Variants in CNTN5 observed in about 807,000 individuals in gnomAD.
CNTN5 encodes the protein contactin-5.
CNTN5 carries 77 observed loss-of-function variants against 129.1 expected under a neutral mutation model. That is an observed-to-expected ratio of 0.60 (90% CI 0.50 to 0.72). CNTN5 has a LOEUF of 0.72. Ranked by LOEUF, CNTN5 falls within the 30% of genes least tolerant of loss-of-function variation. The pLI is 0.00. For missense variants in CNTN5, 1,478 were observed against 1,328.8 expected, an observed-to-expected ratio of 1.11 and a Z score of -1.75; for synonymous variants, 509 against 465.6, an observed-to-expected ratio of 1.09 and a Z score of -1.20.
chr11:99,582,081 A>T (rs1224463535), intron 3 of CNTN5, among the ~76,000 whole-genome samples: 1 of 152,138 alleles, frequency 6.6e-6, no homozygotes, highest in South Asian at 2.1e-4. Context: ...TCCTTCACTT[A>T]TGAAGCTTAA....
At chr11:99,236,249 C>T (rs1402487284) in intron 1 of CNTN5, among the ~76,000 whole-genome samples, 2 of 152,042 alleles carry the variant, frequency 1.3e-5, no homozygotes, top group Non-Finnish European at 2.9e-5. Context: ...TGGAACTTTT[C>T]TTTCCACTAC....
chr11:99,996,262 G>T (rs554731519), intron 8 of CNTN5, among the ~76,000 whole-genome samples: 1 of 151,932 alleles, frequency 6.6e-6, no homozygotes, highest in Admixed American at 6.6e-5. Flanking sequence ...TCTTTATCTT[G>T]TATTACTGAA....
intron 2 of CNTN5, among the ~76,000 whole-genome samples, chr11:99,553,965 TACACACAC>T (rs34430127): frequency 6.8e-6 from 1 of 146,016 alleles, no homozygotes; most frequent in African/African-American, 2.5e-5. Flanking sequence ...TGAAAATGAA[TACACACAC>T]ACACACACAC....
At chr11:99,975,028 A>C (rs1937851719) in intron 8 of CNTN5, among the ~76,000 whole-genome samples, 1 of 152,256 alleles carries the variant, frequency 6.6e-6, no homozygotes. Context: ...CAACTTGCAA[A>C]TGATTCATAT....
intron 1 of CNTN5, among the ~76,000 whole-genome samples, chr11:99,064,954 TATAAA>T (rs1209702947): frequency 6.6e-6 from 1 of 152,024 alleles, no homozygotes; most frequent in East Asian, 1.9e-4. Flanking sequence ...GTATATTTCA[TATAAA>T]ATAAAAAGTA....
At chr11:99,089,840 G>A (rs1158488184) in intron 1 of CNTN5, among the ~76,000 whole-genome samples, 3 of 152,190 alleles carry the variant, frequency 2.0e-5, no homozygotes, top group Non-Finnish European at 4.4e-5. Context: ...ATCTGGGCTA[G>A]CCTTGTCATT....
chr11:99,494,033 T>C (rs752223635), intron 2 of CNTN5, among the ~76,000 whole-genome samples: 14 of 152,190 alleles, frequency 9.2e-5, no homozygotes, highest in Non-Finnish European at 1.8e-4. Flanking sequence ...GAAAAAGAAA[T>C]ATTGCAGAAA....
chr11:99,927,167 T>G (rs1227990810), intron 7 of CNTN5, among the ~76,000 whole-genome samples: 1 of 152,204 alleles, frequency 6.6e-6, no homozygotes, highest in African/African-American at 2.4e-5. Flanking sequence ...TTTGGATAAA[T>G]GGAAGCAAAG....
intron 13 of CNTN5, among the ~76,000 whole-genome samples, chr11:100,115,817 G>A (rs972898406): frequency 3.9e-5 from 6 of 151,946 alleles, no homozygotes; most frequent in South Asian, 2.1e-4. Flanking sequence ...TTTTTAAAAT[G>A]TTACAAGGTA....
intron 1 of CNTN5, among the ~76,000 whole-genome samples, chr11:99,282,417 A>T (rs2447138): frequency 0.014 from 2,080 of 152,092 alleles, 49 homozygotes; most frequent in African/African-American, 0.047. Context: ...ACATTTTTCC[A>T]TGTATGATGA....
chr11:99,086,268 A>T (rs1265017962), intron 1 of CNTN5, among the ~76,000 whole-genome samples: 2 of 152,078 alleles, frequency 1.3e-5, no homozygotes, highest in Admixed American at 6.5e-5. Flanking sequence ...ACACACCCAC[A>T]CTCAATAGAC....
intron 1 of CNTN5, among the ~76,000 whole-genome samples, chr11:99,051,531 C>T (rs907909117): frequency 2.0e-5 from 3 of 151,876 alleles, no homozygotes; most frequent in Non-Finnish European, 2.9e-5. Flanking sequence ...TAGAAACAAG[C>T]TTGGTTTATT....
At chr11:100,117,268 A>G (rs544960858) in intron 13 of CNTN5, among the ~76,000 whole-genome samples, 4 of 151,944 alleles carry the variant, frequency 2.6e-5, no homozygotes, top group African/African-American at 7.2e-5. Flanking sequence ...TTCTTACTCC[A>G]TCTTGAGCAC....
At chr11:99,324,934 C>A (rs1865720553) in intron 1 of CNTN5, among the ~76,000 whole-genome samples, 1 of 152,064 alleles carries the variant, frequency 6.6e-6, no homozygotes, top group Non-Finnish European at 1.5e-5. Flanking sequence ...AGCCACTGCA[C>A]CCAGCTGTAA....
chr11:100,154,385 T>C (rs1309698942), intron 13 of CNTN5, among the ~76,000 whole-genome samples: 1 of 151,910 alleles, frequency 6.6e-6, no homozygotes, highest in Non-Finnish European at 1.5e-5. Context: ...TCCAAGTCTT[T>C]GCTATTGCGA....
chr11:100,283,168 TC>T (rs1393598193), intron 18 of CNTN5, among the ~76,000 whole-genome samples: 1 of 152,170 alleles, frequency 6.6e-6, no homozygotes, highest in Non-Finnish European at 1.5e-5. Context: ...ACTGGGTCTT[TC>T]CCTTCAAGGT....
intron 21 of CNTN5, among the ~76,000 whole-genome samples, chr11:100,323,012 T>G (rs1456049343): frequency 6.6e-6 from 1 of 152,198 alleles, no homozygotes; most frequent in Non-Finnish European, 1.5e-5. Context: ...ATTATATTGT[T>G]TCACAGAACA....
At chr11:99,373,334 A>C (rs1403392423) in intron 2 of CNTN5, among the ~76,000 whole-genome samples, 2 of 152,198 alleles carry the variant, frequency 1.3e-5, no homozygotes, top group Non-Finnish European at 2.9e-5. Flanking sequence ...ATAGAGAATA[A>C]GAGTAGGTGG....
intron 13 of CNTN5, among the ~76,000 whole-genome samples, chr11:100,102,592 A>T (rs1422347079): frequency 5.5e-5 from 4 of 72,088 alleles, no homozygotes; most frequent in African/African-American, 4.1e-4. Context: ...ACTGGTGCCA[A>T]ATGTAAAAAG....
Sources: allele counts gnomAD v4.1 joint callset (sites outside exome capture counted in the v4.1 genomes callset), GRCh38; gene constraint gnomAD v4.1.1; transcripts MANE v1.5; gene names NCBI Gene and HGNC (gene_info 2026-07-23, HGNC 2026-07-21).